MKLN1: variants seen among roughly 807,000 people sequenced by gnomAD.
The protein encoded by MKLN1 is muskelin.
In MKLN1, 18 loss-of-function variants were observed where a neutral mutation model predicts 99.0. The observed-to-expected ratio is 0.18, with a 90% confidence interval of 0.13 to 0.27. The LOEUF (loss-of-function observed/expected upper bound fraction) is 0.27. MKLN1 is among the 10% of genes least tolerant of loss of function. The pLI is 1.00. For missense variants in MKLN1, 621 were observed against 875.9 expected (o/e 0.71, Z 3.67); for synonymous variants, 288 against 293.2 (o/e 0.98, Z 0.18).
chr7:131,388,410 GT>G (rs1448632784), intron 3 of MKLN1, among the ~76,000 whole-genome samples: 1 of 152,180 alleles, frequency 6.6e-6, no homozygotes, highest in African/African-American at 2.4e-5. Context: ...AGCCAACAGA[GT>G]AAGGTTGGCT....
chr7:131,242,718 G>A (rs1359973778), intron 3 of MKLN1: 10 of 685,856 alleles, frequency 1.5e-5, no homozygotes, highest in Middle Eastern at 4.3e-4. Flanking sequence ...CCATGCTCTG[G>A]TGGCTGGAAT....
At chr7:131,268,042 T>G (rs962632946) in intron 3 of MKLN1, among the ~76,000 whole-genome samples, 1 of 152,230 alleles carries the variant, frequency 6.6e-6, no homozygotes, top group South Asian at 2.1e-4. Context: ...AGTGTGGTAT[T>G]GACTAGACTC....
intron 3 of MKLN1, among the ~76,000 whole-genome samples, chr7:131,248,411 G>A (rs1797528557): frequency 6.6e-6 from 1 of 152,102 alleles, no homozygotes; most frequent in Non-Finnish European, 1.5e-5. Context: ...AAACGAAATT[G>A]CCTTATGGGT....
intron 1 of MKLN1, among the ~76,000 whole-genome samples, chr7:131,337,905 A>G (rs1210937317): frequency 6.6e-6 from 1 of 152,132 alleles, no homozygotes; most frequent in Non-Finnish European, 1.5e-5. Flanking sequence ...ATAATGATAC[A>G]TTTCCCCAGA....
intron 2 of MKLN1, among the ~76,000 whole-genome samples, chr7:131,169,173 T>C (rs1796180445): frequency 1.3e-5 from 2 of 152,222 alleles, no homozygotes; most frequent in Admixed American, 1.3e-4. Flanking sequence ...CCAGCCACCG[T>C]GTCTGGCTGA....
chr7:131,231,524 T>TAA (rs1482623956), intron 3 of MKLN1, among the ~76,000 whole-genome samples: 149 of 152,254 alleles, frequency 9.8e-4, no homozygotes, highest in East Asian at 2.3e-3. Flanking sequence ...CTGTTGCTCT[T>TAA]GTGGCCAGGG....
chr7:131,346,098 G>GT (rs1484627274), intron 1 of MKLN1, among the ~76,000 whole-genome samples: 1 of 152,184 alleles, frequency 6.6e-6, no homozygotes, highest in African/African-American at 2.4e-5. Flanking sequence ...TTTGGGGGAA[G>GT]TTTAAGGAGA....
chr7:131,478,409 TTTA>T, intron 16 of MKLN1: 1 of 425,038 alleles, frequency 2.4e-6, no homozygotes, highest in Non-Finnish European at 4.1e-6. Flanking sequence ...GGCCCAGTAT[TTTA>T]GAAAATGATA....
upstream of MKLN1, among the ~76,000 whole-genome samples, chr7:131,326,606 A>G (rs1424237612): frequency 1.3e-5 from 2 of 152,046 alleles, no homozygotes; most frequent in Non-Finnish European, 2.9e-5. Context: ...CAGCCTCCCA[A>G]CGTGCTGGGA....
intron 3 of MKLN1, among the ~76,000 whole-genome samples, chr7:131,278,677 C>T (rs926781679): frequency 5.3e-5 from 8 of 151,990 alleles, no homozygotes; most frequent in African/African-American, 1.9e-4. Context: ...ACTGCAGCCT[C>T]GAACTCCTGG....
At chr7:131,429,429 G>T (rs76392736) in intron 9 of MKLN1, among the ~76,000 whole-genome samples, 1 of 151,976 alleles carries the variant, frequency 6.6e-6, no homozygotes, top group Non-Finnish European at 1.5e-5. Flanking sequence ...ATGTAACTGT[G>T]TAACTGTCTT....
intron 3 of MKLN1, among the ~76,000 whole-genome samples, chr7:131,208,851 G>A (rs6965221): frequency 0.42 from 64,389 of 151,848 alleles, 13,921 homozygotes; most frequent in East Asian, 0.53. Flanking sequence ...TTTTCATTAC[G>A]TGATACATAA....
intron 12 of MKLN1, among the ~76,000 whole-genome samples, chr7:131,448,705 C>G (rs1267113699): frequency 1.3e-5 from 2 of 152,084 alleles, no homozygotes; most frequent in Admixed American, 6.6e-5. Flanking sequence ...CAAATGGATT[C>G]ATTGTTTGAT....
At position 131,489,919 on chromosome 7, in the gene MKLN1, G is replaced by A. The variant is rs1797382347; in HGVS notation, c.*2191G>A. ...TTGCTCACCGCCATGTTTAAATGGGGTTGAATCATAGCGAGCCATTTGCTC... is the reference window on the plus strand; with the variant it reads ...TTGCTCACCGCCATGTTTAAATGGGATTGAATCATAGCGAGCCATTTGCTC... On this transcript the variant is annotated 3_prime_UTR_variant, in exon 18 of 18. Transcript: ENST00000352689. The A allele has an allele frequency of 6.6e-6, 1 of 152,072 alleles. No individual in the cohort carries two copies. Among genetic ancestry groups the A allele is most frequent in the South Asian group, 2.1e-4 (1 of 4,828 alleles). 9.4% of individuals were successfully genotyped at this position (152,072 alleles called of 1,614,324 possible).
intron 2 of MKLN1, 64 bp downstream of exon 2, chr7:131,375,557 T>G: frequency 5.4e-6 from 5 of 929,844 alleles, no homozygotes; most frequent in Non-Finnish European, 8.8e-6. Flanking sequence ...ACTCAATTGA[T>G]ACTAGTTATC....
At chr7:131,223,912 A>G (rs981561871) in intron 3 of MKLN1, among the ~76,000 whole-genome samples, 1 of 151,952 alleles carries the variant, frequency 6.6e-6, no homozygotes, top group Non-Finnish European at 1.5e-5. Flanking sequence ...GATTACAGGC[A>G]CACACCACCA....
chr7:131,429,463 C>G (rs186417363), intron 9 of MKLN1, among the ~76,000 whole-genome samples: 63 of 152,278 alleles, frequency 4.1e-4, no homozygotes, highest in Non-Finnish European at 8.8e-5. Context: ...TCCACTACCT[C>G]TATTCTTATT....
At chr7:131,330,479 T>C (rs749458018) in intron 1 of MKLN1, among the ~76,000 whole-genome samples, 4 of 152,190 alleles carry the variant, frequency 2.6e-5, no homozygotes, top group Non-Finnish European at 5.9e-5. Context: ...CCAAGAGGAA[T>C]CTCCGTTTGC....
At position 131,463,262 on chromosome 7, in the gene MKLN1, T is replaced by C. The variant is rs1321251169; in HGVS notation, c.1571T>C (p.Leu524Pro). 6.2e-7 allele frequency: 1 copy of C among 1,611,918 alleles called. No homozygotes were observed. The highest frequency in any genetic ancestry group is 8.5e-7 in the Non-Finnish European group (1 of 1,178,956). Residue 524 changes from leucine to proline, a missense_variant, in exon 13 of 18, where the codon CTG becomes CCG. Leu to Pro is a moderately conservative substitution (Grantham distance 98). Coordinates refer to ENST00000352689, the MANE Select transcript of MKLN1 (RefSeq NM_013255.5). Reference sequence around the variant, plus strand: ...CAGAGAGCAACTATTGATCCAGAACTGAATGAAATACACGTCTTATCTGGA... The same window carrying C: ...CAGAGAGCAACTATTGATCCAGAACCGAATGAAATACACGTCTTATCTGGA... ...FTQRATIDPE[L>P]NEIHVLSGLS...
Sources: gnomAD v4.1 joint callset for allele counts (sites outside exome capture counted in the v4.1 genomes callset) on GRCh38, gnomAD v4.1.1 for gene constraint, MANE v1.5 for transcripts, NCBI Gene and HGNC (gene_info 2026-07-23, HGNC 2026-07-21) for gene names.